MST1R: variants seen among roughly 807,000 people sequenced by gnomAD.
MST1R encodes macrophage-stimulating protein receptor.
Under a neutral mutation model 117.8 loss-of-function variants are expected in MST1R, and 99 were observed. The observed-to-expected ratio is 0.84, with a 90% confidence interval of 0.71 to 0.99. The LOEUF is 0.99. Among genes scored for constraint, MST1R ranks in the 50% least tolerant of loss-of-function variants. The pLI is 0.00. For synonymous variants in MST1R, 734 were observed against 765.3 expected, an observed-to-expected ratio of 0.96 and a Z score of 0.68; for missense variants, 1,683 against 1,840.2, an observed-to-expected ratio of 0.91 and a Z score of 1.56.
chr3:49,903,623 G>A lies in MST1R; in HGVS notation c.-14C>T, dbSNP rs2082770940. On this transcript the variant is annotated 5_prime_UTR_variant, in exon 1 of 20. Transcript: ENST00000296474. ...GAGGAGCTCCATCGAGGCGAGCTGG[G>A]ACCCTAGAGGATCCCTACCGGCCTG... 4.5e-6 allele frequency: 7 copies of A among 1,546,652 alleles called. No individual in the cohort carries two copies. Among genetic ancestry groups the A allele is most frequent in the Non-Finnish European group, 6.1e-6 (7 of 1,153,082 alleles).
chr3:49,895,205 T>C lies in MST1R; in HGVS notation c.3233A>G (p.Glu1078Gly). The change falls in exon 14 of 20, where the codon GAG becomes GGG. Residue 1078 changes from glutamate to glycine, a missense_variant. Coordinates refer to ENST00000296474, the MANE Select transcript of MST1R (RefSeq NM_002447.4). Reference sequence around the variant, plus strand: ...TCGGTCACTGTGGGTGACCACCCGCTCATGGGGAATCAGCACATCCTTGAC... The same window carrying C: ...TCGGTCACTGTGGGTGACCACCCGCCCATGGGGAATCAGCACATCCTTGAC... ...AEVKDVLIPH[E>G]RVVTHSDRVI... 2 of 1,614,112 alleles carry C rather than the reference T, an allele frequency of 1.2e-6. No individual in the cohort carries two copies. The highest frequency in any genetic ancestry group is 1.7e-6 in the Non-Finnish European group (2 of 1,180,024).
chr3:49,891,084 G>C, intron 17 of MST1R, 113 bp downstream of exon 17: 1 of 961,762 alleles, frequency 1.0e-6, no homozygotes, highest in Non-Finnish European at 1.6e-6. Flanking sequence ...AAAAAGTAAG[G>C]TGCAGAGAGG....
rs2082494247 is a variant in MST1R, at chr3:49,896,877, G to C, written c.2197C>G (p.Gln733Glu). ...ECLLARVSEG[Q>E]LLCATPPGAT... is the part of the protein sequence containing the mutation. ...CCAGGGGGTGTGGCACATAAAAGCT[G>C]CCCCTCACTGACCCTACAGGAACAA... is the stretch of plus-strand genomic sequence containing the variant. The change falls in exon 8 of 20, where the codon CAG (glutamine) becomes GAG (glutamate). Residue 733 changes from glutamine (Q) to glutamate (E), a missense_variant. Physicochemically the swap from Gln to Glu is conservative, Grantham distance 29. Coordinates refer to ENST00000296474, the MANE Select transcript of MST1R (RefSeq NM_002447.4). 1 of 1,523,296 alleles carries C rather than the reference G, an allele frequency of 6.6e-7. No homozygotes were observed. The highest frequency in any genetic ancestry group is 1.3e-5 in the South Asian group (1 of 79,224). The allele number at this position is 1,523,296 out of a possible 1,614,324, so 94.4% of individuals were successfully genotyped here.
In MST1R at chr3:49,899,105, G is replaced by A. The variant is rs980679047; in HGVS notation, c.1389C>T (p.His463=). ...VTRLDNVTVA[H]MGTMDGRILQ... ...GGATACGCCCATCCATTGTGCCCAT[G>A]TGTGCCACTGTGACGTTGTCAAGGC... The change falls in exon 2 of 20, where the codon CAC becomes CAT. Residue 463 remains histidine, a synonymous_variant. Transcript: ENST00000296474. 1.1e-5 allele frequency: 17 copies of A among 1,614,032 alleles called. No homozygotes were observed. In the Admixed American group the frequency reaches 2.0e-4, roughly 19 times the overall value.
intron 13 of MST1R, 32 bp downstream of exon 13, chr3:49,895,415 G>A (rs778482109): frequency 6.2e-7 from 1 of 1,614,030 alleles, no homozygotes; most frequent in East Asian, 2.2e-5. Context: ...GACAGGGGGT[G>A]GCTTTAGCTT....
At chr3:49,899,367 C>T in intron 1 of MST1R, 104 bp from the exon 2 acceptor site, 2 of 1,270,036 alleles carry the variant, frequency 1.6e-6, no homozygotes, top group African/African-American at 1.5e-5. Context: ...TCACCCCTCA[C>T]CTGGCCTGAC....
At position 49,902,914 on chromosome 3, in the gene MST1R, A is replaced by G; in HGVS notation, c.696T>C (p.Phe232=). The G allele has an allele frequency of 6.2e-7, 1 of 1,613,472 alleles. No homozygotes were observed. The highest frequency in any genetic ancestry group is 1.1e-5 in the South Asian group (1 of 91,092). ...KADASGFAPG[F]VALSVLPKHL... is the part of the protein sequence containing the mutation. ...GCTTGGGCAGCACTGACAACGCCAC[A>G]AAGCCCGGTGCGAATCCCGAGGCGT... Residue 232 remains phenylalanine (F), a synonymous_variant, in exon 1 of 20, where the codon TTT becomes TTC. Transcript: ENST00000296474.
At chr3:49,889,462 G>A (rs1289600126) in intron 19 of MST1R, among the ~76,000 whole-genome samples, 1 of 152,088 alleles carries the variant, frequency 6.6e-6, no homozygotes, top group Non-Finnish European at 1.5e-5. Context: ...CCTCAGCACC[G>A]AACCCACCCC....
At chr3:49,894,071 C>T (rs541290098) in intron 14 of MST1R, among the ~76,000 whole-genome samples, 14 of 149,972 alleles carry the variant, frequency 9.3e-5, no homozygotes, top group East Asian at 6.0e-4. Context: ...AAAAATTAGC[C>T]GGGTGTTGTG....
rs147999292 is a variant in MST1R at position 49,891,787 on chromosome 3, C to G, written c.3323G>C (p.Arg1108Pro). The G allele has an allele frequency of 6.2e-7, 1 of 1,614,038 alleles. No individual in the cohort carries two copies. The highest frequency in any genetic ancestry group is 8.5e-7 in the Non-Finnish European group (1 of 1,180,006). The change falls in exon 15 of 20, where the codon CGA becomes CCA. Residue 1108 changes from arginine (R) to proline (P), a missense_variant. Physicochemically the swap from Arg to Pro is moderately radical, Grantham distance 103 (BLOSUM62 -2). Coordinates refer to ENST00000296474, the MANE Select transcript of MST1R (RefSeq NM_002447.4). The part of the protein sequence containing the change: ...HGEYIDQAQN[R>P]IQCAIKSLSR... ...TAGTGACTTGATGGCACATTGGATT[C>G]GATTCTGGGCCTGGTCTATGTATTC...
intron 14 of MST1R, among the ~76,000 whole-genome samples, chr3:49,892,746 G>C (rs1480932244): frequency 6.6e-6 from 1 of 151,778 alleles, no homozygotes; most frequent in African/African-American, 2.4e-5. Flanking sequence ...CTGAGGTCAG[G>C]GGTTCAAGAC....
intron 1 of MST1R, among the ~76,000 whole-genome samples, chr3:49,901,831 T>G (rs2082687591): frequency 6.6e-6 from 1 of 151,070 alleles, no homozygotes; most frequent in Non-Finnish European, 1.5e-5. Context: ...TCCCACCCCC[T>G]TTGGAAAGCA....
rs1035118897 is a variant in MST1R at position 49,890,552 on chromosome 3, C to T, written c.3743G>A (p.Arg1248His). The T allele has an allele frequency of 1.4e-5, 23 of 1,613,986 alleles. No individual in the cohort carries two copies. Among genetic ancestry groups the T allele is most frequent in the East Asian group, 6.7e-5 (3 of 44,882 alleles). ...YYSVQQHRHA[R>H]LPVKWMALES... ...CAGCGCCATCCACTTCACAGGTAGG[C>T]GAGCGTGGCGATGCTGTTGAACACT... Residue 1248 changes from arginine (R) to histidine (H), a missense_variant, in exon 18 of 20, where the codon CGC (arginine) becomes CAC (histidine). Transcript: ENST00000296474.
At chr3:49,892,669 A>T (rs1281615894) in intron 14 of MST1R, among the ~76,000 whole-genome samples, 18 of 42,230 alleles carry the variant, frequency 4.3e-4, no homozygotes, top group East Asian at 8.6e-4. Flanking sequence ...TTTTTAAATT[A>T]AAAAAAAAAA....
chr3:49,902,070 C>T (rs3733134), intron 1 of MST1R, among the ~76,000 whole-genome samples: 57,384 of 151,866 alleles, frequency 0.38, 11,352 homozygotes, highest in Non-Finnish European at 0.42. Flanking sequence ...AACAGAGACA[C>T]GGTTATGTAA....
intron 14 of MST1R, among the ~76,000 whole-genome samples, chr3:49,894,305 G>A (rs1466012197): frequency 1.3e-5 from 2 of 152,138 alleles, no homozygotes; most frequent in East Asian, 1.9e-4. Flanking sequence ...GCTCATGCCT[G>A]TAATCCCAGC....
chr3:49,902,954 C>T lies in MST1R; in HGVS notation c.656G>A (p.Arg219Lys). ...TCCCGAGGCGTCAGCCTTGAGACGC[C>T]TGATAGACACTGAGCGTGGGCTGAA... is the stretch of plus-strand genomic sequence containing the variant. ...ASFSPRSVSI[R>K]RLKADASGFA... The change falls in exon 1 of 20, where the codon AGG becomes AAG. Residue 219 changes from arginine (R) to lysine (K), a missense_variant. Arg to Lys is a conservative substitution (Grantham distance 26). Coordinates refer to ENST00000296474, the MANE Select transcript of MST1R (RefSeq NM_002447.4). 2 of 1,613,202 alleles carry T rather than the reference C, an allele frequency of 1.2e-6. No individual in the cohort carries two copies. Among genetic ancestry groups the T allele is most frequent in the Non-Finnish European group, 1.7e-6 (2 of 1,179,982 alleles).
chr3:49,903,029 G>T lies in MST1R; in HGVS notation c.581C>A (p.Ala194Asp), dbSNP rs771183521. 6.2e-7 allele frequency: 1 copy of T among 1,612,358 alleles called. No individual in the cohort carries two copies. The highest frequency in any genetic ancestry group is 1.3e-5 in the African/African-American group (1 of 75,080). The change falls in exon 1 of 20, where the codon GCC becomes GAC. Residue 194 changes from alanine (A) to aspartate (D), a missense_variant. Coordinates refer to ENST00000296474, the MANE Select transcript of MST1R (RefSeq NM_002447.4). ...TGAGGATGCCACGTAGAAATAGGAGGCCTGGCCTTGCTCAACCACAGTTAC... is the reference window on the plus strand; with the variant it reads ...TGAGGATGCCACGTAGAAATAGGAGTCCTGGCCTTGCTCAACCACAGTTAC... ...TRVTVVEQGQ[A>D]SYFYVASSLD...
chr3:49,895,796 T>C lies in MST1R; in HGVS notation c.2881A>G (p.Ile961Val), dbSNP rs1446332686. The C allele has an allele frequency of 1.2e-6, 2 of 1,613,942 alleles. No individual in the cohort carries two copies. Among genetic ancestry groups the C allele is most frequent in the East Asian group, 2.2e-5 (1 of 44,880 alleles). ...ACAAGCAGCAGCAAAGGCAGCAGGA[T>C]ACCAAGGAGCGTGCTCTGTGGGACC... The part of the protein sequence containing the change: ...DGVPQSTLLG[I>V]LLPLLLLVAA... The change falls in exon 12 of 20, where the codon ATC (isoleucine) becomes GTC (valine). Residue 961 changes from isoleucine (I) to valine (V), a missense_variant. By Grantham distance (29) the Ile-to-Val change is conservative (BLOSUM62 3). Coordinates refer to ENST00000296474, the MANE Select transcript of MST1R (RefSeq NM_002447.4).
Sources: allele counts gnomAD v4.1 joint callset (sites outside exome capture counted in the v4.1 genomes callset), GRCh38; gene constraint gnomAD v4.1.1; transcripts MANE v1.5; gene names NCBI Gene and HGNC (gene_info 2026-07-23, HGNC 2026-07-21).